The following ARHGAP42 variants were observed in gnomAD, a reference collection of about 807,000 sequenced individuals.
ARHGAP42 encodes rho GTPase-activating protein 42.
Under a neutral mutation model 125.0 loss-of-function variants are expected in ARHGAP42, and 63 were observed. That is an observed-to-expected ratio of 0.50 (90% CI 0.41 to 0.62). ARHGAP42 has a LOEUF of 0.62. ARHGAP42 is among the 20% of genes least tolerant of loss of function. The pLI is 0.00. For missense variants in ARHGAP42, 766 were observed against 1,024.2 expected (o/e 0.75, Z 3.44); for synonymous variants, 339 against 351.0 (o/e 0.97, Z 0.38).
chr11:100,773,786 C>T (rs1863040450), intron 2 of ARHGAP42, among the ~76,000 whole-genome samples: 1 of 152,246 alleles, frequency 6.6e-6, no homozygotes, highest in East Asian at 1.9e-4. Flanking sequence ...GTGAATTGAT[C>T]AGTAGGTGAA....
intron 17 of ARHGAP42, among the ~76,000 whole-genome samples, chr11:100,969,217 A>T (rs516873): frequency 6.6e-6 from 1 of 151,818 alleles, no homozygotes; most frequent in Non-Finnish European, 1.5e-5. Context: ...GTTTCTATTG[A>T]GAAATAAGCT....
At chr11:100,776,159 C>A (rs377059976) in intron 2 of ARHGAP42, among the ~76,000 whole-genome samples, 55 of 144,634 alleles carry the variant, frequency 3.8e-4, no homozygotes, top group South Asian at 6.6e-4. Flanking sequence ...AACTCCATTT[C>A]AAAAAAAAAA....
At chr11:100,912,609 T>A (rs968223955) in intron 4 of ARHGAP42, among the ~76,000 whole-genome samples, 9 of 152,200 alleles carry the variant, frequency 5.9e-5, no homozygotes, top group Non-Finnish European at 1.3e-4. Context: ...GGAAAAGACA[T>A]ATCTGGTGGA....
At chr11:100,750,858 C>G (rs1862432690) in intron 1 of ARHGAP42, among the ~76,000 whole-genome samples, 1 of 151,730 alleles carries the variant, frequency 6.6e-6, no homozygotes, top group Non-Finnish European at 1.5e-5. Flanking sequence ...ATTTAGAACT[C>G]AAATCTAACA....
At chr11:100,762,797 C>T (rs1045007889) in intron 1 of ARHGAP42, among the ~76,000 whole-genome samples, 4 of 152,010 alleles carry the variant, frequency 2.6e-5, no homozygotes, top group East Asian at 1.9e-4. Context: ...ACACTAAAAA[C>T]GTAACTGTAG....
rs148693399 is a variant in ARHGAP42 at position 100,802,416 on chromosome 11, C to T, written c.312+7250C>T. On this transcript the variant is annotated intron_variant, in intron 3 of 23. Coordinates refer to ENST00000298815, the MANE Select transcript of ARHGAP42 (RefSeq NM_152432.4). Reference sequence around the variant, plus strand: ...GGAACTTCATCCACCTCCATTTCTCCTTTCTTTCTTTTTTTTTTTTTTTTT... The same window carrying T: ...GGAACTTCATCCACCTCCATTTCTCTTTTCTTTCTTTTTTTTTTTTTTTTT... 8.5e-3 allele frequency among the ~76,000 whole-genome samples: 975 copies of T among 114,078 alleles called. 14 individuals are homozygous for T. Among genetic ancestry groups the T allele is most frequent in the African/African-American group, 0.033 (907 of 27,430 alleles). 74.8% of individuals were successfully genotyped at this position (114,078 alleles called of 152,430 possible).
intron 3 of ARHGAP42, among the ~76,000 whole-genome samples, chr11:100,800,882 C>T (rs1863835290): frequency 6.6e-6 from 1 of 152,174 alleles, no homozygotes; most frequent in South Asian, 2.1e-4. Context: ...TAAGTTAACA[C>T]TTCAGTCACA....
chr11:100,886,006 T>C (rs1378678948), intron 4 of ARHGAP42, among the ~76,000 whole-genome samples: 1 of 152,172 alleles, frequency 6.6e-6, no homozygotes, highest in Non-Finnish European at 1.5e-5. Flanking sequence ...TTGAGCTTTA[T>C]TTACCTCTTT....
At chr11:100,829,068 C>CA (rs1282338821) in intron 3 of ARHGAP42, among the ~76,000 whole-genome samples, 1 of 152,178 alleles carries the variant, frequency 6.6e-6, no homozygotes, top group African/African-American at 2.4e-5. Context: ...TCCAGGAGTG[C>CA]AGGCTCCTTT....
In ARHGAP42 at chr11:100,941,273, G is replaced by C. The variant is rs2135271938; in HGVS notation, c.833-511G>C. ...GATGTGAGATGGAGAAAAGAATGTGGGAGGCCACTCACTTGGAACCTTGTG... is the reference window on the plus strand; with the variant it reads ...GATGTGAGATGGAGAAAAGAATGTGCGAGGCCACTCACTTGGAACCTTGTG... On this transcript the variant is annotated intron_variant, in intron 8 of 23. Coordinates refer to ENST00000298815, the MANE Select transcript of ARHGAP42 (RefSeq NM_152432.4). Among the ~76,000 whole-genome samples the C allele has an allele frequency of 2.6e-5, 4 of 152,236 alleles. No homozygotes were observed. The South Asian group carries it at 8.3e-4, about 32-fold the overall frequency.
intron 4 of ARHGAP42, among the ~76,000 whole-genome samples, chr11:100,905,305 G>T (rs910478197): frequency 6.6e-6 from 1 of 152,176 alleles, no homozygotes; most frequent in Non-Finnish European, 1.5e-5. Context: ...TCAGAACTTT[G>T]GAACAGAGAT....
chr11:100,849,558 C>A lies in ARHGAP42; in HGVS notation c.313-9996C>A, dbSNP rs147664440. On this transcript the variant is annotated intron_variant, in intron 3 of 23. Coordinates refer to ENST00000298815, the MANE Select transcript of ARHGAP42 (RefSeq NM_152432.4). ...GGACTTTGTATTCTGTGTTAAAGCT[C>A]TAAAGTTTTCTCTTTCAGTTAATTT... Among the ~76,000 whole-genome samples, 7 of 151,776 alleles carry A rather than the reference C, an allele frequency of 4.6e-5. No homozygotes were observed. The East Asian group carries it at 1.4e-3, about 29-fold the overall frequency.
At chr11:100,888,564 G>A (rs1866149242) in intron 4 of ARHGAP42, among the ~76,000 whole-genome samples, 1 of 152,046 alleles carries the variant, frequency 6.6e-6, no homozygotes, top group African/African-American at 2.4e-5. Flanking sequence ...TTCATTTTAT[G>A]ACGTGTCAAA....
At chr11:100,917,629 A>G (rs1252534130) in intron 5 of ARHGAP42, among the ~76,000 whole-genome samples, 1 of 152,078 alleles carries the variant, frequency 6.6e-6, no homozygotes, top group Non-Finnish European at 1.5e-5. Context: ...TGGAATGTGG[A>G]GGCATGATCT....
intron 4 of ARHGAP42, among the ~76,000 whole-genome samples, chr11:100,870,476 C>T (rs1030828566): frequency 1.3e-5 from 2 of 152,222 alleles, no homozygotes; most frequent in African/African-American, 4.8e-5. Context: ...AAATGTATTT[C>T]ATGATACCTA....
chr11:100,895,006 T>C (rs547257618), intron 4 of ARHGAP42, among the ~76,000 whole-genome samples: 124 of 152,294 alleles, frequency 8.1e-4, no homozygotes, highest in Non-Finnish European at 1.2e-3. Flanking sequence ...AGGACCACCA[T>C]AAAAATAACT....
intron 8 of ARHGAP42, among the ~76,000 whole-genome samples, chr11:100,939,009 A>C (rs1390644384): frequency 1.3e-5 from 2 of 152,214 alleles, no homozygotes; most frequent in Non-Finnish European, 2.9e-5. Context: ...TCAAAGCCAT[A>C]AATTGTGTGA....
At chr11:100,809,981 T>A (rs957166763) in intron 3 of ARHGAP42, among the ~76,000 whole-genome samples, 2 of 151,866 alleles carry the variant, frequency 1.3e-5, no homozygotes, top group Admixed American at 6.6e-5. Flanking sequence ...AATCTAAGAC[T>A]TAAAATGAAA....
intron 4 of ARHGAP42, among the ~76,000 whole-genome samples, chr11:100,903,847 C>G (rs1202992961): frequency 1.3e-5 from 2 of 150,342 alleles, no homozygotes. Flanking sequence ...GGAGAGCCAG[C>G]CTGAGTCCCG....
Sources: gnomAD v4.1 joint callset for allele counts (sites outside exome capture counted in the v4.1 genomes callset) on GRCh38, gnomAD v4.1.1 for gene constraint, MANE v1.5 for transcripts, NCBI Gene and HGNC (gene_info 2026-07-23, HGNC 2026-07-21) for gene names.